Variants in PHF20 observed in about 807,000 individuals in gnomAD.
The protein encoded by PHF20 is glioma-expressed antigen 2.
A neutral mutation model predicts 113.5 loss-of-function variants in PHF20; 23 were observed. The observed-to-expected ratio is 0.20, with a 90% CI of 0.15 to 0.29. The LOEUF (loss-of-function observed/expected upper bound fraction) is 0.29, where lower values mean the gene tolerates loss of function less well. PHF20 is among the 10% of genes least tolerant of loss of function. The pLI, the probability that PHF20 is intolerant of heterozygous loss-of-function variation, is 1.00. For missense variants in PHF20, 943 were observed against 1,219.6 expected (o/e 0.77, Z 3.38); for synonymous variants, 434 against 457.3 (o/e 0.95, Z 0.65).
At chr20:35,926,020 G>T (rs1235519388) in intron 13 of PHF20, among the ~76,000 whole-genome samples, 2 of 150,044 alleles carry the variant, frequency 1.3e-5, no homozygotes, top group East Asian at 4.1e-4. Context: ...TACTCAGGAG[G>T]CTGAGGCAGG....
chr20:35,786,879 A>G (rs1043925859), intron 1 of PHF20, among the ~76,000 whole-genome samples: 1 of 152,156 alleles, frequency 6.6e-6, no homozygotes, highest in African/African-American at 2.4e-5. Flanking sequence ...GCAAGGAGTA[A>G]TAATAGTTCC....
chr20:35,773,084 A>G (rs188246905), intron 1 of PHF20, among the ~76,000 whole-genome samples: 1 of 152,228 alleles, frequency 6.6e-6, no homozygotes, highest in East Asian at 1.9e-4. Flanking sequence ...AAATCAAACT[A>G]CCTTATTTCC....
At chr20:35,911,477 T>C (rs1368214734) in intron 10 of PHF20, among the ~76,000 whole-genome samples, 1 of 152,246 alleles carries the variant, frequency 6.6e-6, no homozygotes, top group East Asian at 1.9e-4. Context: ...TGAGTCTTCA[T>C]GTATAAGTCT....
chr20:35,857,574 T>G (rs974642415), intron 4 of PHF20, among the ~76,000 whole-genome samples: 15 of 130,880 alleles, frequency 1.1e-4, no homozygotes, highest in Non-Finnish European at 1.7e-4. Flanking sequence ...TTTTTTTTTT[T>G]TTTTTTTTTT....
intron 1 of PHF20, among the ~76,000 whole-genome samples, chr20:35,778,483 C>T (rs2041219534): frequency 6.6e-6 from 1 of 152,152 alleles, no homozygotes; most frequent in Non-Finnish European, 1.5e-5. Context: ...GGCACTGTGG[C>T]TCACGCCTGT....
At chr20:35,863,873 C>T (rs192884679) in intron 6 of PHF20, among the ~76,000 whole-genome samples, 2 of 152,168 alleles carry the variant, frequency 1.3e-5, no homozygotes, top group African/African-American at 4.8e-5. Context: ...AAATTGAGCT[C>T]CTTGGAGAGT....
intron 9 of PHF20, among the ~76,000 whole-genome samples, chr20:35,872,416 G>A (rs999978318): frequency 1.3e-5 from 2 of 152,150 alleles, no homozygotes; most frequent in East Asian, 1.9e-4. Context: ...CCAGCTACTC[G>A]GGAAGCTGAG....
intron 2 of PHF20, among the ~76,000 whole-genome samples, chr20:35,814,033 A>C (rs2146887676): frequency 6.6e-6 from 1 of 151,680 alleles, no homozygotes; most frequent in South Asian, 2.1e-4. Context: ...ATAAGACTCT[A>C]TCTCTAAATA....
At chr20:35,912,068 C>T (rs557629858) in intron 10 of PHF20, among the ~76,000 whole-genome samples, 1 of 152,012 alleles carries the variant, frequency 6.6e-6, no homozygotes, top group African/African-American at 2.4e-5. Context: ...GCAGCCTCCG[C>T]CTCCCGTGTT....
At position 35,842,238 on chromosome 20, in the gene PHF20, G is replaced by A. The variant is rs149070885; in HGVS notation, c.84-335G>A. Reference sequence around the variant, plus strand: ...GCGGGCGCTGTAATCCCCGCTACTCGGGAGGCTGAGGCAGGGAGAATTGCT... The same window carrying A: ...GCGGGCGCTGTAATCCCCGCTACTCAGGAGGCTGAGGCAGGGAGAATTGCT... On this transcript the variant is annotated intron_variant, in intron 2 of 17. Transcript: ENST00000374012. 2.1e-4 allele frequency among the ~76,000 whole-genome samples: 32 copies of A among 152,234 alleles called. No homozygotes were observed. In the East Asian group the frequency reaches 5.4e-3, roughly 26 times the overall value.
intron 9 of PHF20, among the ~76,000 whole-genome samples, chr20:35,891,376 CAAAAAAA>C (rs11475386): frequency 1.3e-5 from 1 of 76,658 alleles, no homozygotes; most frequent in African/African-American, 4.0e-5. Context: ...GACTCTATGT[CAAAAAAA>C]AAAAAAAAAA....
chr20:35,927,654 G>A (rs2055668153), intron 13 of PHF20, 126 bp from the exon 14 acceptor site: 1 of 732,942 alleles, frequency 1.4e-6, no homozygotes, highest in Non-Finnish European at 2.5e-6. Context: ...CGTTAGTCAG[G>A]AGGGAGTGCT....
chr20:35,840,435 A>G (rs1033898187), intron 2 of PHF20, among the ~76,000 whole-genome samples: 12 of 152,142 alleles, frequency 7.9e-5, no homozygotes, highest in Non-Finnish European at 1.8e-4. Flanking sequence ...TTTAACCACA[A>G]AAGGATTTAA....
chr20:35,893,790 A>G (rs1430635862), intron 9 of PHF20, among the ~76,000 whole-genome samples: 1 of 151,346 alleles, frequency 6.6e-6, no homozygotes, highest in Non-Finnish European at 1.5e-5. Flanking sequence ...AATTTTTTGT[A>G]TTTTTAGTAG....
Position 35,931,259 on chromosome 20 carries a change from T to G in PHF20, c.2115T>G (p.Pro705=), listed in dbSNP as rs143223877. Residue 705 remains proline (P), a synonymous_variant, in exon 15 of 18, where the codon CCT becomes CCG. Transcript: ENST00000374012. ...TTGTCACTGCTGTAGGTCAGAGGCCTGGCTTCAAGTACTGGTATGACAAGG... is the reference window on the plus strand; with the variant it reads ...TTGTCACTGCTGTAGGTCAGAGGCCGGGCTTCAAGTACTGGTATGACAAGG... The part of the protein sequence containing the change: ...YVCQDPPGQR[P]GFKYWYDKEW... 1.9e-6 allele frequency: 3 copies of G among 1,610,774 alleles called. No homozygotes were observed. The highest frequency in any genetic ancestry group is 2.5e-6 in the Non-Finnish European group (3 of 1,177,470).
At chr20:35,777,158 T>G (rs1191266962) in intron 1 of PHF20, among the ~76,000 whole-genome samples, 1 of 152,234 alleles carries the variant, frequency 6.6e-6, no homozygotes, top group African/African-American at 2.4e-5. Flanking sequence ...CTCCATTCAA[T>G]GTTTGTGACT....
chr20:35,917,541 A>G lies in PHF20; in HGVS notation c.1883A>G (p.Tyr628Cys). ...AGCTTTCTCTGGAGTGATGATGAGT[A>G]TGGCCAAGATGTGGATGTGACCACC... ...SESFLWSDDE[Y>C]GQDVDVTTNP... Residue 628 changes from tyrosine (Y) to cysteine (C), a missense_variant, in exon 13 of 18, where the codon TAT becomes TGT. Tyr to Cys is a radical substitution (Grantham distance 194). Coordinates refer to ENST00000374012, the MANE Select transcript of PHF20 (RefSeq NM_016436.5). The G allele has an allele frequency of 1.2e-6, 2 of 1,613,802 alleles. No individual in the cohort carries two copies. The highest frequency in any genetic ancestry group is 1.7e-5 in the Admixed American group (1 of 59,998).
At chr20:35,885,846 T>G (rs927963869) in intron 9 of PHF20, among the ~76,000 whole-genome samples, 13 of 152,172 alleles carry the variant, frequency 8.5e-5, no homozygotes, top group Non-Finnish European at 1.5e-5. Flanking sequence ...ATATCTTATT[T>G]CCTCATCAAA....
chr20:35,822,846 TAA>T (rs780275666), intron 2 of PHF20, among the ~76,000 whole-genome samples: 6 of 55,562 alleles, frequency 1.1e-4, no homozygotes, highest in African/African-American at 3.0e-4. Context: ...ACCCTGCTTC[TAA>T]AAAAAAAAAA....
Sources: gnomAD v4.1 joint callset for allele counts (sites outside exome capture counted in the v4.1 genomes callset) on GRCh38, gnomAD v4.1.1 for gene constraint, MANE v1.5 for transcripts, NCBI Gene and HGNC (gene_info 2026-07-23, HGNC 2026-07-21) for gene names.